The following IFRD1 variants were observed in gnomAD, a reference collection of about 807,000 sequenced individuals.
The protein encoded by IFRD1 is interferon related developmental regulator 1.
In IFRD1, 35 loss-of-function variants were observed where a neutral mutation model predicts 52.9. The ratio of observed to expected loss-of-function variants is 0.66; its 90% confidence interval spans 0.51 to 0.88. The LOEUF (loss-of-function observed/expected upper bound fraction) is 0.88. IFRD1 is among the 40% of genes least tolerant of loss of function. IFRD1 has a pLI of 0.00. For synonymous variants in IFRD1, 184 were observed against 188.4 expected, an observed-to-expected ratio of 0.98 and a Z score of 0.19; for missense variants, 517 against 550.8, an observed-to-expected ratio of 0.94 and a Z score of 0.61.
chr7:112,450,748 G>A lies in IFRD1; in HGVS notation c.60G>A (p.Gly20=). The change falls in exon 1 of 12, where the codon GGG becomes GGA. Residue 20 remains glycine, a synonymous_variant. Transcript: ENST00000403825. ...PHRGSSAGGG[G]SGAAAATAAT... Reference sequence around the variant, plus strand: ...GCGGTAGCAGTGCTGGCGGCGGCGGGTCAGGAGCAGCCGCAGCGACGGCGG... The same window carrying A: ...GCGGTAGCAGTGCTGGCGGCGGCGGATCAGGAGCAGCCGCAGCGACGGCGG... The A allele has an allele frequency of 6.8e-6, 11 of 1,612,434 alleles. No individual in the cohort carries two copies. Among genetic ancestry groups the A allele is most frequent in the South Asian group, 1.1e-5 (1 of 91,076 alleles).
In IFRD1 at chr7:112,458,467, G is replaced by T. The variant is rs968922521; in HGVS notation, c.410-394G>T. The T allele has an allele frequency of 3.5e-4, 96 of 271,518 alleles. 2 individuals carry two copies. In the South Asian group the frequency reaches 3.7e-3, roughly 10 times the overall value. The allele number at this position is 271,518 out of a possible 1,614,324, so 16.8% of individuals were successfully genotyped here. On this transcript the variant is annotated intron_variant, in intron 4 of 11. Transcript: ENST00000403825. Reference sequence around the variant, plus strand: ...CTGTGTACATCCGAAATGCTTAGGAGATTAATTCAAGGGCAATTTGAGCAC... The same window carrying T: ...CTGTGTACATCCGAAATGCTTAGGATATTAATTCAAGGGCAATTTGAGCAC...
chr7:112,438,337 C>T (rs773812800), intron 1 of IFRD1, among the ~76,000 whole-genome samples: 1 of 152,050 alleles, frequency 6.6e-6, no homozygotes, highest in Non-Finnish European at 1.5e-5. Flanking sequence ...AACGTGTAGG[C>T]AGGTTTTCTA....
chr7:112,428,368 C>T (rs1331482210), intron 1 of IFRD1, among the ~76,000 whole-genome samples: 2 of 151,992 alleles, frequency 1.3e-5, no homozygotes, highest in Non-Finnish European at 2.9e-5. Flanking sequence ...GGATAGGTTT[C>T]TAGGAGGTAA....
At chr7:112,471,200 A>C (rs1288246219) in intron 9 of IFRD1, among the ~76,000 whole-genome samples, 1 of 152,182 alleles carries the variant, frequency 6.6e-6, no homozygotes, top group Admixed American at 6.5e-5. Context: ...TTTGCCTCAC[A>C]TGCATGTCCT....
rs1281220246 is a variant in IFRD1, at chr7:112,475,433, T to C, written c.1270T>C (p.Leu424=). 1.2e-6 allele frequency: 2 copies of C among 1,600,380 alleles called. No individual in the cohort carries two copies. Among genetic ancestry groups the C allele is most frequent in the African/African-American group, 2.7e-5 (2 of 74,606 alleles). The part of the protein sequence containing the change: ...TMKISRFERH[L]YNSAAFKART... ...TTTTTCCTTTTTTTCATTTTAGCAT[T>C]TATATAACTCTGCAGCCTTCAAAGC... is the stretch of plus-strand genomic sequence containing the variant. Residue 424 remains leucine, a synonymous_variant, in exon 12 of 12, where the codon TTA becomes CTA. Transcript: ENST00000403825.
intron 11 of IFRD1, among the ~76,000 whole-genome samples, chr7:112,473,252 A>G (rs1795809676): frequency 6.6e-6 from 1 of 152,148 alleles, no homozygotes. Flanking sequence ...TAATATAGGA[A>G]CGGTGTTCAT....
At chr7:112,428,880 A>G (rs1794487011) in intron 1 of IFRD1, among the ~76,000 whole-genome samples, 1 of 152,166 alleles carries the variant, frequency 6.6e-6, no homozygotes, top group African/African-American at 2.4e-5. Context: ...AATCTTCCTC[A>G]AAACAAAACG....
Position 112,457,013 on chromosome 7 carries a change from T to C in IFRD1, c.384T>C (p.Asp128=). The change falls in exon 4 of 12, where the codon GAT becomes GAC. Residue 128 remains aspartate, a synonymous_variant. Transcript: ENST00000403825. ...FILERRMTLT[D]SIERCLKKGK... The stretch of plus-strand genomic sequence containing the variant: ...TGGAAAGGAGAATGACTTTAACTGA[T>C]AGCATTGAACGCTGCCTGAAAAAAG... 6.2e-7 allele frequency: 1 copy of C among 1,613,956 alleles called. No individual in the cohort carries two copies. Among genetic ancestry groups the C allele is most frequent in the Non-Finnish European group, 8.5e-7 (1 of 1,179,882 alleles).
At chr7:112,455,701 A>C in intron 1 of IFRD1, 62 bp from the exon 2 acceptor site, 1 of 1,109,222 alleles carries the variant, frequency 9.0e-7, no homozygotes. Flanking sequence ...AAAAATTCCA[A>C]AGTTAAATAT....
chr7:112,444,104 C>T (rs1003533501), intron 1 of IFRD1, among the ~76,000 whole-genome samples: 8 of 152,146 alleles, frequency 5.3e-5, no homozygotes, highest in African/African-American at 1.9e-4. Flanking sequence ...CAACATAATG[C>T]GTCATAACTA....
intron 1 of IFRD1, among the ~76,000 whole-genome samples, chr7:112,427,947 T>C (rs937617327): frequency 3.9e-5 from 6 of 152,110 alleles, no homozygotes; most frequent in African/African-American, 1.4e-4. Context: ...GATGGAGCAC[T>C]GTATGTGTCA....
At chr7:112,451,534 C>T (rs949936465) in intron 1 of IFRD1, among the ~76,000 whole-genome samples, 1 of 152,160 alleles carries the variant, frequency 6.6e-6, no homozygotes, top group Non-Finnish European at 1.5e-5. Context: ...CCCAGAGAGG[C>T]AGGGTGGTGA....
intron 1 of IFRD1, among the ~76,000 whole-genome samples, chr7:112,453,070 T>C (rs1045487765): frequency 3.3e-5 from 5 of 152,362 alleles, no homozygotes; most frequent in Middle Eastern, 3.4e-3. Context: ...TTTTGCTTAC[T>C]TAACAAGCCA....
chr7:112,451,431 C>T (rs1043014158), intron 1 of IFRD1, among the ~76,000 whole-genome samples: 1 of 152,068 alleles, frequency 6.6e-6, no homozygotes, highest in Non-Finnish European at 1.5e-5. Flanking sequence ...GAACCTCTAG[C>T]ACCTCTGCGA....
chr7:112,472,884 A>G, intron 11 of IFRD1, 23 bp downstream of exon 11: 3 of 1,522,476 alleles, frequency 2.0e-6, no homozygotes, highest in Non-Finnish European at 2.7e-6. Flanking sequence ...TTTATTTTTA[A>G]TAAAACTAAG....
At position 112,467,843 on chromosome 7, in the gene IFRD1, G is replaced by C. The variant is rs1795649641; in HGVS notation, c.907-138G>C. On this transcript the variant is annotated intron_variant, in intron 8 of 11. Transcript: ENST00000403825. ...GAAAACATGTGTTTATGTGTGCCTAGTCCCTAAATACCATGAAGATTTACA... is the reference window on the plus strand; with the variant it reads ...GAAAACATGTGTTTATGTGTGCCTACTCCCTAAATACCATGAAGATTTACA... 11 of 818,496 alleles carry C rather than the reference G, an allele frequency of 1.3e-5. No individual in the cohort carries two copies. The South Asian group carries it at 1.5e-4, about 11-fold the overall frequency. 50.7% of individuals were successfully genotyped at this position (818,496 alleles called of 1,614,324 possible). A position where few individuals can be genotyped will look rare whatever the true frequency, so the allele number is the denominator to read the frequency against.
intron 5 of IFRD1, 23 bp downstream of exon 5, chr7:112,459,041 T>A (rs767925959): frequency 6.3e-6 from 10 of 1,596,730 alleles, no homozygotes; most frequent in Non-Finnish European, 8.6e-6. Context: ...TATTTACATT[T>A]ATAGATCTGT....
At chr7:112,438,521 A>G (rs1794770428) in intron 1 of IFRD1, among the ~76,000 whole-genome samples, 1 of 152,206 alleles carries the variant, frequency 6.6e-6, no homozygotes, top group African/African-American at 2.4e-5. Context: ...ATAAGTATAA[A>G]TGTTGTTGGT....
intron 1 of IFRD1, among the ~76,000 whole-genome samples, chr7:112,435,876 CTT>C (rs61293743): frequency 7.8e-5 from 11 of 141,828 alleles, no homozygotes; most frequent in Admixed American, 1.4e-4. Context: ...TTTTTTCTCT[CTT>C]TTTTTTTTTT....
Sources: allele counts gnomAD v4.1 joint callset (sites outside exome capture counted in the v4.1 genomes callset), GRCh38; gene constraint gnomAD v4.1.1; transcripts MANE v1.5; gene names NCBI Gene and HGNC (gene_info 2026-07-23, HGNC 2026-07-21).